TOP1MT: variants seen among roughly 807,000 people sequenced by gnomAD.
TOP1MT encodes DNA topoisomerase I mitochondrial, also known as DNA topoisomerase I, mitochondrial.
Under a neutral mutation model 73.9 loss-of-function variants are expected in TOP1MT, and 80 were observed. That is an observed-to-expected ratio of 1.08 (90% CI 0.90 to 1.30). The LOEUF (loss-of-function observed/expected upper bound fraction) is 1.30, where lower values mean the gene tolerates loss of function less well. Ranked by LOEUF, TOP1MT falls within the 50% of genes most tolerant of loss-of-function variation. The pLI, the probability that TOP1MT is intolerant of heterozygous loss-of-function variation, is 0.00. For missense variants in TOP1MT, 815 were observed against 808.0 expected, an observed-to-expected ratio of 1.01 and a Z score of -0.10; for synonymous variants, 338 against 326.4, an observed-to-expected ratio of 1.04 and a Z score of -0.38.
At chr8:143,319,402 C>G (rs889632241) in intron 8 of TOP1MT, among the ~76,000 whole-genome samples, 13 of 152,194 alleles carry the variant, frequency 8.5e-5, no homozygotes, top group African/African-American at 2.9e-4. Flanking sequence ...TCCAGCAACC[C>G]TCCCACCTAG....
In TOP1MT at chr8:143,325,526, T is replaced by G; in HGVS notation, c.491A>C (p.Lys164Thr). The change falls in exon 5 of 14, where the codon AAA (lysine) becomes ACA (threonine). Residue 164 changes from lysine (K) to threonine (T), a missense_variant. By Grantham distance (78) the Lys-to-Thr change is moderately conservative. Around this residue, in one of 3 missense-constraint regions of TOP1MT, gnomAD observed 751 missense variants for 725.4 expected, o/e 1.04. Coordinates refer to ENST00000329245, the MANE Select transcript of TOP1MT (RefSeq NM_052963.3). ...VLSREEKQKL[K>T]EEAEKLQQEF... ...TTGCTGAAGTTTTTCTGCCTCTTCT[T>G]TTAGCTTCTGAGTTAATAAAACAGT... The G allele has an allele frequency of 6.2e-7, 1 of 1,607,574 alleles. No homozygotes were observed. The highest frequency in any genetic ancestry group is 2.2e-5 in the East Asian group (1 of 44,676).
Position 143,310,136 on chromosome 8 carries a change from C to T in TOP1MT, c.1635G>A (p.Glu545=), listed in dbSNP as rs1815968477. ...TGCCCAGGGCCACCTGCTTGTTCTC[C>T]TCCTTGTCCGTGGCCTGCACACTCA... ...AQLSVQATDK[E]ENKQVALGTS... Residue 545 remains glutamate, a synonymous_variant, in exon 13 of 14, where the codon GAG becomes GAA. Transcript: ENST00000329245. The T allele has an allele frequency of 1.9e-6, 3 of 1,613,488 alleles. No individual in the cohort carries two copies. Among genetic ancestry groups the T allele is most frequent in the Non-Finnish European group, 2.5e-6 (3 of 1,179,884 alleles).
intron 7 of TOP1MT, among the ~76,000 whole-genome samples, chr8:143,323,278 C>G (rs1245188400): frequency 2.7e-5 from 3 of 109,494 alleles, no homozygotes; most frequent in Admixed American, 1.8e-4. Flanking sequence ...ACGCCACACA[C>G]GCACGCCACA....
At chr8:143,356,269 C>T (rs954786525), upstream of TOP1MT, among the ~76,000 whole-genome samples, 7 of 152,308 alleles carry the variant, frequency 4.6e-5, no homozygotes, top group Non-Finnish European at 1.0e-4. Context: ...CAAAGGATTC[C>T]AGGTAACCAG....
upstream of TOP1MT, among the ~76,000 whole-genome samples, chr8:143,337,378 G>A (rs999949832): frequency 1.3e-5 from 2 of 152,046 alleles, no homozygotes; most frequent in Admixed American, 6.5e-5. Flanking sequence ...ACACTCCAGC[G>A]TGGGCAACAG....
chr8:143,321,667 C>A (rs1563758114), intron 7 of TOP1MT, among the ~76,000 whole-genome samples: 1 of 122,518 alleles, frequency 8.2e-6, no homozygotes, highest in Middle Eastern at 4.3e-3. Context: ...CACACACACG[C>A]ACGCCACACA....
chr8:143,331,399 C>T lies in TOP1MT; in HGVS notation c.123-60G>A, dbSNP rs1008595590. 55 of 1,437,164 alleles carry T rather than the reference C, an allele frequency of 3.8e-5. No homozygotes were observed. The African/African-American group carries it at 6.7e-4, about 18-fold the overall frequency. The allele number at this position is 1,437,164 out of a possible 1,614,324, so 89.0% of individuals were successfully genotyped here. On this transcript the variant is annotated intron_variant, in intron 1 of 13. Transcript: ENST00000329245. ...GCCAGGCCCTGCATGAGCCTCTTCC[C>T]CGCTCCCACAGTGGCTCCTCCCTGT...
chr8:143,328,301 C>A (rs974956895), intron 3 of TOP1MT: 2 of 454,824 alleles, frequency 4.4e-6, no homozygotes, highest in Non-Finnish European at 4.4e-6. Context: ...ACAGCATGTG[C>A]GTCTGGCAAA....
intron 7 of TOP1MT, among the ~76,000 whole-genome samples, chr8:143,323,673 C>T (rs1326798182): frequency 3.9e-5 from 3 of 76,372 alleles, no homozygotes; most frequent in Non-Finnish European, 9.4e-5. Context: ...CACACACGCA[C>T]GCCACACACA....
At chr8:143,314,755 A>G (rs926004960) in intron 12 of TOP1MT, among the ~76,000 whole-genome samples, 9 of 152,138 alleles carry the variant, frequency 5.9e-5, no homozygotes, top group Admixed American at 3.3e-4. Context: ...AATAAAATAC[A>G]TAAGAATAGT....
chr8:143,322,092 CAA>C (rs1816434272), intron 7 of TOP1MT, among the ~76,000 whole-genome samples: 1 of 103,664 alleles, frequency 9.6e-6, no homozygotes, highest in Non-Finnish European at 1.9e-5. Flanking sequence ...ACAGGCATGC[CAA>C]ACACGCACGC....
intron 1 of TOP1MT, 70 bp from the exon 2 acceptor site, chr8:143,331,409 A>G (rs900659261): frequency 7.2e-5 from 97 of 1,345,404 alleles, no homozygotes; most frequent in Non-Finnish European, 9.9e-5. Flanking sequence ...CCGCTCCCAC[A>G]GTGGCTCCTC....
At chr8:143,322,380 C>A (rs1294356100) in intron 7 of TOP1MT, among the ~76,000 whole-genome samples, 5 of 107,684 alleles carry the variant, frequency 4.6e-5, no homozygotes, top group Non-Finnish European at 4.1e-5. Flanking sequence ...AGGCACGCCA[C>A]ACACGCACGC....
intron 7 of TOP1MT, among the ~76,000 whole-genome samples, chr8:143,322,134 C>CCA (rs150021822): frequency 2.2e-5 from 1 of 45,140 alleles, no homozygotes; most frequent in Non-Finnish European, 5.8e-5. Context: ...CACAGGCACG[C>CCA]CACACAGGCA....
chr8:143,326,073 C>T (rs1816699209), intron 4 of TOP1MT, 149 bp downstream of exon 4: 2 of 847,148 alleles, frequency 2.4e-6, no homozygotes, highest in Non-Finnish European at 3.6e-6. Flanking sequence ...CACTTAAGCA[C>T]ATGCAGGGGC....
At position 143,321,481 on chromosome 8, in the gene TOP1MT, ACG is replaced by A. The variant is rs1563757641; in HGVS notation, c.961-97_961-96del. 44 of 974,338 alleles carry A rather than the reference ACG, an allele frequency of 4.5e-5. 1 individual carries two copies. Among genetic ancestry groups the A allele is most frequent in the South Asian group, 2.5e-4 (15 of 60,066 alleles). The allele number at this position is 974,338 out of a possible 1,614,324, so 60.4% of individuals were successfully genotyped here. ...CACGCACGCCACACACGCACGCCAC[ACG>A]CACGCCACACACGCACGCCACACAC... On this transcript the variant is annotated intron_variant, in intron 7 of 13. Transcript: ENST00000329245.
At chr8:143,322,630 TCACA>T (rs200311117) in intron 7 of TOP1MT, among the ~76,000 whole-genome samples, 6 of 36,678 alleles carry the variant, frequency 1.6e-4, no homozygotes, top group African/African-American at 2.0e-4. Flanking sequence ...CACAGGCACG[TCACA>T]CACACACGCC....
chr8:143,315,950 G>A (rs768331607), intron 11 of TOP1MT, 49 bp downstream of exon 11: 1 of 1,612,912 alleles, frequency 6.2e-7, no homozygotes, highest in Non-Finnish European at 8.5e-7. Context: ...CTGGGGAGGG[G>A]GAGGGGTCCC....
chr8:143,334,685 C>T, intron 1 of TOP1MT, 55 bp downstream of exon 1: 1 of 1,590,540 alleles, frequency 6.3e-7, no homozygotes, highest in Non-Finnish European at 8.5e-7. Flanking sequence ...CCTTTCTGGA[C>T]CTACCCAAGC....
Sources: gnomAD v4.1 joint callset for allele counts (sites outside exome capture counted in the v4.1 genomes callset) on GRCh38, gnomAD v4.1.1 for gene constraint, gnomAD v4.1.1 regional missense constraint, MANE v1.5 for transcripts, NCBI Gene and HGNC (gene_info 2026-07-23, HGNC 2026-07-21) for gene names.